Variants in CCDC171 observed in about 807,000 individuals in gnomAD.
CCDC171 encodes the protein coiled-coil domain-containing protein 171.
Under a neutral mutation model 168.2 loss-of-function variants are expected in CCDC171, and 177 were observed. The ratio of observed to expected loss-of-function variants is 1.05; its 90% CI spans 0.93 to 1.19. CCDC171 has a LOEUF of 1.19. Ranked by LOEUF, CCDC171 falls within the 50% of genes most tolerant of loss-of-function variation. CCDC171 has a pLI of 0.00. For synonymous variants in CCDC171, 687 were observed against 540.8 expected (o/e 1.27, Z -3.75); for missense variants, 1,991 against 1,539.0 (o/e 1.29, Z -4.91).
chr9:15,559,691 C>T (rs2039114132), intron 1 of CCDC171, among the ~76,000 whole-genome samples: 1 of 152,116 alleles, frequency 6.6e-6, no homozygotes, highest in Non-Finnish European at 1.5e-5. Flanking sequence ...TCCAATTTGC[C>T]AGTCTGTGTC....
intron 25 of CCDC171, among the ~76,000 whole-genome samples, chr9:15,952,310 A>G (rs1829285521): frequency 1.3e-5 from 2 of 152,170 alleles, no homozygotes; most frequent in South Asian, 4.1e-4. Context: ...AATCAGGATG[A>G]ATGAGTCCTC....
chr9:15,987,445 A>C (rs929520458), intron 3 of CCDC171, among the ~76,000 whole-genome samples: 1 of 152,182 alleles, frequency 6.6e-6, no homozygotes, highest in Non-Finnish European at 1.5e-5. Context: ...AAAAAGCAAC[A>C]ATATTGTAAC....
intron 6 of CCDC171, among the ~76,000 whole-genome samples, chr9:15,617,443 C>G (rs939226433): frequency 1.3e-5 from 2 of 148,420 alleles, no homozygotes. Flanking sequence ...GTGGCGTGAT[C>G]TCGGCTCACT....
rs72706699 is a variant in CCDC171, at chr9:15,782,814, G to A, written c.3082-1695G>A. ...TGTAATAGCACAATGTGGAGAGTTC[G>A]GCAGCTGTTAAACAGCGAGTAAAAA... On this transcript the variant is annotated intron_variant, in intron 20 of 25. Coordinates refer to ENST00000380701, the MANE Select transcript of CCDC171 (RefSeq NM_173550.4). 3.6e-3 allele frequency among the ~76,000 whole-genome samples: 544 copies of A among 152,230 alleles called. 2 individuals are homozygous for A. Among genetic ancestry groups the A allele is most frequent in the Non-Finnish European group, 5.4e-3 (369 of 68,012 alleles).
intron 25 of CCDC171, among the ~76,000 whole-genome samples, chr9:15,952,692 C>T (rs545552579): frequency 1.6e-3 from 237 of 152,170 alleles, no homozygotes; most frequent in African/African-American, 3.4e-3. Context: ...CCACCGCGCG[C>T]GGCCAGATTT....
intron 6 of CCDC171, among the ~76,000 whole-genome samples, chr9:15,605,635 C>T (rs2043170077): frequency 6.7e-6 from 1 of 148,920 alleles, no homozygotes; most frequent in Admixed American, 6.7e-5. Context: ...TGCAGTGAGC[C>T]AAGGTCGCAC....
At chr9:15,677,853 ATG>A (rs1261267143) in intron 9 of CCDC171, among the ~76,000 whole-genome samples, 10 of 66,968 alleles carry the variant, frequency 1.5e-4, no homozygotes, top group Admixed American at 1.3e-3. Context: ...GTGTGTGTGT[ATG>A]TATATATATA....
chr9:16,047,569 T>C (rs1431390289), intron 1 of CCDC171, among the ~76,000 whole-genome samples: 2 of 152,214 alleles, frequency 1.3e-5, no homozygotes, highest in Admixed American at 6.5e-5. Context: ...TATATGACCA[T>C]CACCAAATTC....
chr9:15,779,435 C>G (rs997901700), intron 20 of CCDC171, among the ~76,000 whole-genome samples: 86 of 152,122 alleles, frequency 5.7e-4, no homozygotes, highest in African/African-American at 2.0e-3. Context: ...TCTCAGCTCA[C>G]TGCAACCTCT....
chr9:16,031,758 A>T (rs1833367544), intron 6 of CCDC171, among the ~76,000 whole-genome samples: 1 of 152,176 alleles, frequency 6.6e-6, no homozygotes, highest in African/African-American at 2.4e-5. Flanking sequence ...CCTGGCTGCC[A>T]AACAGGGCCA....
chr9:15,925,061 G>C (rs997958582), intron 25 of CCDC171, among the ~76,000 whole-genome samples: 1 of 151,516 alleles, frequency 6.6e-6, no homozygotes, highest in Admixed American at 6.6e-5. Flanking sequence ...TGTTCTTGGA[G>C]ATATCATACG....
chr9:15,633,103 T>C (rs952135357), intron 7 of CCDC171, among the ~76,000 whole-genome samples: 1 of 152,170 alleles, frequency 6.6e-6, no homozygotes, highest in Non-Finnish European at 1.5e-5. Flanking sequence ...ATTCAGGACA[T>C]AGGCATGGGC....
Position 15,899,850 on chromosome 9 carries a change from A to G in CCDC171, c.3601-20420A>G, listed in dbSNP as rs570903079. Among the ~76,000 whole-genome samples the G allele has an allele frequency of 1.3e-4, 20 of 152,162 alleles. No homozygotes were observed. The South Asian group carries it at 2.5e-3, about 19-fold the overall frequency. The stretch of plus-strand genomic sequence containing the variant: ...TTCATGGCAATAATTTTTAATGAAT[A>G]GTTTCTGATGAAGTTCAGTTTATTG... On this transcript the variant is annotated intron_variant, in intron 24 of 25. Coordinates refer to ENST00000380701, the MANE Select transcript of CCDC171 (RefSeq NM_173550.4).
chr9:15,804,625 A>C (rs1305378930), intron 21 of CCDC171, among the ~76,000 whole-genome samples: 2 of 152,068 alleles, frequency 1.3e-5, no homozygotes, highest in Non-Finnish European at 2.9e-5. Flanking sequence ...GTGCTGCTGG[A>C]TTCAGTTTGC....
intron 1 of CCDC171, among the ~76,000 whole-genome samples, chr9:16,047,763 A>G (rs1256568287): frequency 6.6e-6 from 1 of 152,194 alleles, no homozygotes; most frequent in African/African-American, 2.4e-5. Flanking sequence ...TAGAATAGGG[A>G]TCAACCACAG....
intron 25 of CCDC171, among the ~76,000 whole-genome samples, chr9:15,932,738 G>C (rs977369050): frequency 1.2e-4 from 18 of 151,836 alleles, no homozygotes; most frequent in African/African-American, 4.1e-4. Flanking sequence ...TGTTAGTTAT[G>C]GGTTTCCCAT....
At chr9:15,964,596 A>T (rs752685754) in intron 25 of CCDC171, among the ~76,000 whole-genome samples, 2 of 152,126 alleles carry the variant, frequency 1.3e-5, no homozygotes, top group Non-Finnish European at 1.5e-5. Flanking sequence ...TGGGAAAAGA[A>T]AGAACAAAAG....
intron 7 of CCDC171, among the ~76,000 whole-genome samples, chr9:15,651,454 G>C (rs2047517243): frequency 6.6e-6 from 1 of 151,208 alleles, no homozygotes. Flanking sequence ...CTTTTTTATA[G>C]AGATTTTGCT....
intron 3 of CCDC171, among the ~76,000 whole-genome samples, chr9:16,016,422 T>C (rs896469468): frequency 1.3e-5 from 2 of 152,016 alleles, no homozygotes; most frequent in African/African-American, 2.4e-5. Flanking sequence ...ATTTAGTGAA[T>C]GAATGAAAGA....
Sources: allele counts gnomAD v4.1 joint callset (sites outside exome capture counted in the v4.1 genomes callset), GRCh38; gene constraint gnomAD v4.1.1; transcripts MANE v1.5; gene names NCBI Gene and HGNC (gene_info 2026-07-23, HGNC 2026-07-21).